The following SRRM2 variants were observed in gnomAD, a reference collection of about 807,000 sequenced individuals.
SRRM2 encodes serine/arginine repetitive matrix protein 2.
Under a neutral mutation model 213.8 loss-of-function variants are expected in SRRM2, and 30 were observed. That is an observed-to-expected ratio of 0.14 (90% CI 0.10 to 0.19). The LOEUF (loss-of-function observed/expected upper bound fraction) is 0.19. SRRM2 is among the 10% of genes least tolerant of loss of function. The pLI is 1.00. For synonymous variants in SRRM2, 2,025 were observed against 1,377.7 expected (o/e 1.47, Z -10.40); for missense variants, 4,904 against 3,647.0 (o/e 1.34, Z -8.88).
rs769381239 is a variant in SRRM2 at position 2,765,079 on chromosome 16, C to T, written c.4551C>T (p.Ser1517=). Residue 1517 remains serine (S), a synonymous_variant, in exon 11 of 15, where the codon AGC becomes AGT. Coordinates refer to ENST00000301740, the MANE Select transcript of SRRM2 (RefSeq NM_016333.4). ...NKCLTPQRER[S]GSESSVDQKT... ...GTCTTACCCCCCAGAGAGAAAGAAG[C>T]GGGTCAGAATCATCAGTTGATCAGA... The T allele has an allele frequency of 2.5e-5, 41 of 1,613,980 alleles. No homozygotes were observed. The South Asian group carries it at 2.6e-4, about 10-fold the overall frequency.
chr16:2,763,470 C>G lies in SRRM2; in HGVS notation c.2942C>G (p.Pro981Arg), dbSNP rs2068434919. 6.2e-7 allele frequency: 1 copy of G among 1,614,188 alleles called. No individual in the cohort carries two copies. Among genetic ancestry groups the G allele is most frequent in the Non-Finnish European group, 8.5e-7 (1 of 1,180,032 alleles). Residue 981 changes from proline (P) to arginine (R), a missense_variant, in exon 11 of 15, where the codon CCT becomes CGT. Coordinates refer to ENST00000301740, the MANE Select transcript of SRRM2 (RefSeq NM_016333.4). ...TCCTCACCAGATACCAAAGTGAAAC[C>G]TGAAACACCGCCAAGACAAAGTCAC... ...GSSSPDTKVK[P>R]ETPPRQSHSG...
chr16:2,768,840 C>G, intron 11 of SRRM2, 157 bp from the exon 12 acceptor site: 2 of 1,476,014 alleles, frequency 1.4e-6, no homozygotes, highest in South Asian at 2.4e-5. Flanking sequence ...TCAGCTCGCA[C>G]CACTGCTCTC....
chr16:2,759,965 C>T (rs960203183), intron 9 of SRRM2: 1 of 532,938 alleles, frequency 1.9e-6, no homozygotes, highest in Non-Finnish European at 3.4e-6. Flanking sequence ...CTTACCCTGG[C>T]TTCCTTAATC....
Position 2,765,764 on chromosome 16 carries a change from C to T in SRRM2, c.5236C>T (p.Arg1746Cys), listed in dbSNP as rs150445530. The change falls in exon 11 of 15, where the codon CGC becomes TGC. Residue 1746 changes from arginine (R) to cysteine (C), a missense_variant. Physicochemically the swap from Arg to Cys is radical, Grantham distance 180 (BLOSUM62 -3). Transcript: ENST00000301740. ...AAAATCGAGGTCTTCACGCCGACGG[C>T]GCTCAGCTTCATCTCCACGCACTAA... The part of the protein sequence containing the change: ...AEKSRSSRRR[R>C]SASSPRTKTT... 207 of 1,613,998 alleles carry T rather than the reference C, an allele frequency of 1.3e-4. No individual in the cohort carries two copies. The highest frequency in any genetic ancestry group is 1.5e-4 in the Non-Finnish European group (178 of 1,180,044).
chr16:2,771,254 G>A lies in SRRM2; in HGVS notation c.*387G>A, dbSNP rs2068737738. On this transcript the variant is annotated 3_prime_UTR_variant, in exon 15 of 15. Coordinates refer to ENST00000301740, the MANE Select transcript of SRRM2 (RefSeq NM_016333.4). ...AGGTTGTATAAGGTGTTCTTGGAAG[G>A]AAGGGGCAGGAGTTGGAATTAGTTG... is the stretch of plus-strand genomic sequence containing the variant. The A allele has an allele frequency of 2.7e-6, 2 of 734,332 alleles. No homozygotes were observed. Among genetic ancestry groups the A allele is most frequent in the Admixed American group, 2.2e-5 (1 of 45,736 alleles). 45.5% of individuals were successfully genotyped at this position (734,332 alleles called of 1,614,324 possible).
At position 2,765,312 on chromosome 16, in the gene SRRM2, G is replaced by A. The variant is rs200200979; in HGVS notation, c.4784G>A (p.Arg1595His). 1,213 of 1,614,094 alleles carry A rather than the reference G, an allele frequency of 7.5e-4. 10 individuals carry two copies. In the South Asian group the frequency reaches 8.4e-3, roughly 11 times the overall value. ...AGCAAATCTCGACTATCCCCTCGGC[G>A]CAGTAGGTCTGGTTCCTCCCCTGAA... Reference protein sequence around the residue: ...VDSKSRLSPRRSRSGSSPEVK... With the variant: ...VDSKSRLSPRHSRSGSSPEVK... The change falls in exon 11 of 15, where the codon CGC (arginine) becomes CAC (histidine). Residue 1595 changes from arginine to histidine, a missense_variant. Transcript: ENST00000301740.
At chr16:2,755,136 AG>A (rs2068096134) in intron 1 of SRRM2, among the ~76,000 whole-genome samples, 1 of 152,184 alleles carries the variant, frequency 6.6e-6, no homozygotes, top group South Asian at 2.1e-4. Context: ...GGAGAGGATG[AG>A]GGTGAGAAAG....
chr16:2,770,134 GTCTTTA>G (rs1435202402), intron 12 of SRRM2: 2 of 1,426,960 alleles, frequency 1.4e-6, no homozygotes. Context: ...GGCAGGGACT[GTCTTTA>G]TCTTTGCATC....
At position 2,761,710 on chromosome 16, in the gene SRRM2, A is replaced by T; in HGVS notation, c.1182A>T (p.Pro394=). The change falls in exon 11 of 15, where the codon CCA becomes CCT. Residue 394 remains proline, a synonymous_variant. Transcript: ENST00000301740. ...TAAGCCAGGAGCCAGTGAACCCCCC[A>T]TCTGAGGCCTCTCCAACTCGGGACC... The part of the protein sequence containing the change: ...TPLSQEPVNP[P]SEASPTRDRS... The T allele has an allele frequency of 6.2e-7, 1 of 1,604,734 alleles. No individual in the cohort carries two copies. Among genetic ancestry groups the T allele is most frequent in the Non-Finnish European group, 8.5e-7 (1 of 1,175,632 alleles).
rs773218070 is a variant in SRRM2, at chr16:2,767,661, C to G, written c.7133C>G (p.Ala2378Gly). 6.2e-7 allele frequency: 1 copy of G among 1,614,088 alleles called. No individual in the cohort carries two copies. The highest frequency in any genetic ancestry group is 8.5e-7 in the Non-Finnish European group (1 of 1,180,006). The stretch of plus-strand genomic sequence containing the variant: ...AGGATGGCTCCAGCATTGTCTGGTG[C>G]AAACCTCACCAGCCCCAGGGTGCCC... ...SARMAPALSG[A>G]NLTSPRVPLS... The change falls in exon 11 of 15, where the codon GCA becomes GGA. Residue 2378 changes from alanine (A) to glycine (G), a missense_variant. By Grantham distance (60) the Ala-to-Gly change is moderately conservative. Coordinates refer to ENST00000301740, the MANE Select transcript of SRRM2 (RefSeq NM_016333.4).
Position 2,763,040 on chromosome 16 carries a change from T to C in SRRM2, c.2512T>C (p.Ser838Pro). 6.2e-7 allele frequency: 1 copy of C among 1,614,048 alleles called. No homozygotes were observed. Among genetic ancestry groups the C allele is most frequent in the Non-Finnish European group, 8.5e-7 (1 of 1,180,010 alleles). The change falls in exon 11 of 15, where the codon TCA becomes CCA. Residue 838 changes from serine to proline, a missense_variant. By Grantham distance (74) the Ser-to-Pro change is moderately conservative. Coordinates refer to ENST00000301740, the MANE Select transcript of SRRM2 (RefSeq NM_016333.4). ...ACCATCAAGACAAAGTCATTCCAGTTCATCTCCTCATCCTAAAGTGAAATC... is the reference window on the plus strand; with the variant it reads ...ACCATCAAGACAAAGTCATTCCAGTCCATCTCCTCATCCTAAAGTGAAATC... ...KTPSRQSHSS[S>P]SPHPKVKSGT... is the part of the protein sequence containing the mutation.
chr16:2,765,588 G>C lies in SRRM2; in HGVS notation c.5060G>C (p.Arg1687Pro). ...AAGACCAAGTCTCGTACACCACCTC[G>C]ACGTCGCAGCTCTCGATCATCTCCG... ...EPKTKSRTPP[R>P]RRSSRSSPEL... Residue 1687 changes from arginine (R) to proline (P), a missense_variant, in exon 11 of 15, where the codon CGA becomes CCA. Physicochemically the swap from Arg to Pro is moderately radical, Grantham distance 103. Coordinates refer to ENST00000301740, the MANE Select transcript of SRRM2 (RefSeq NM_016333.4). 6.2e-7 allele frequency: 1 copy of C among 1,614,094 alleles called. No homozygotes were observed. The highest frequency in any genetic ancestry group is 8.5e-7 in the Non-Finnish European group (1 of 1,180,020).
At position 2,763,818 on chromosome 16, in the gene SRRM2, G is replaced by T; in HGVS notation, c.3290G>T (p.Gly1097Val). 6.2e-7 allele frequency: 1 copy of T among 1,614,200 alleles called. No individual in the cohort carries two copies. Among genetic ancestry groups the T allele is most frequent in the South Asian group, 1.1e-5 (1 of 91,088 alleles). The change falls in exon 11 of 15, where the codon GGT becomes GTT. Residue 1097 changes from glycine (G) to valine (V), a missense_variant. Physicochemically the swap from Gly to Val is moderately radical, Grantham distance 109. Coordinates refer to ENST00000301740, the MANE Select transcript of SRRM2 (RefSeq NM_016333.4). ...QSKSQTSPKG[G>V]RSRSSSPVTE... ...AAATCTCAAACATCACCTAAGGGAG[G>T]TCGGTCCAGGTCTTCATCTCCAGTC...
At position 2,766,251 on chromosome 16, in the gene SRRM2, G is replaced by A. The variant is rs1567239444; in HGVS notation, c.5723G>A (p.Arg1908Gln). 6.8e-6 allele frequency: 11 copies of A among 1,614,146 alleles called. No homozygotes were observed. The highest frequency in any genetic ancestry group is 9.3e-6 in the Non-Finnish European group (11 of 1,180,030). The change falls in exon 11 of 15, where the codon CGA (arginine) becomes CAA (glutamine). Residue 1908 changes from arginine (R) to glutamine (Q), a missense_variant. Coordinates refer to ENST00000301740, the MANE Select transcript of SRRM2 (RefSeq NM_016333.4). The surrounding 1 kb of genome is among the most constrained non-coding windows in gnomAD (Gnocchi z 7.0). Reference protein sequence around the residue: ...RRSRSRTSVTRRRSRSRASPV... With the variant: ...RRSRSRTSVTQRRSRSRASPV... ...TCAAGGTCCAGGACTTCAGTGACTC[G>A]ACGAAGATCCCGGTCAAGAGCATCC...
chr16:2,766,031 T>C lies in SRRM2; in HGVS notation c.5503T>C (p.Ser1835Pro). Residue 1835 changes from serine (S) to proline (P), a missense_variant, in exon 11 of 15, where the codon TCT (serine) becomes CCT (proline). Coordinates refer to ENST00000301740, the MANE Select transcript of SRRM2 (RefSeq NM_016333.4). This position sits in a 1 kb window ranked among gnomAD's most constrained non-coding sequence, Gnocchi z 7.0. The part of the protein sequence containing the change: ...PARQESSRTS[S>P]RRRRGRSRTP... ...CCGGCAGGAAAGTTCCCGGACCTCC[T>C]CTCGACGCCGAAGAGGCCGCTCTCG... 1 of 1,613,744 alleles carries C rather than the reference T, an allele frequency of 6.2e-7. No individual in the cohort carries two copies. Among genetic ancestry groups the C allele is most frequent in the Non-Finnish European group, 8.5e-7 (1 of 1,179,946 alleles).
chr16:2,767,275 C>T lies in SRRM2; in HGVS notation c.6747C>T (p.Ala2249=). 6.2e-7 allele frequency: 1 copy of T among 1,614,112 alleles called. No homozygotes were observed. Residue 2249 remains alanine (A), a synonymous_variant, in exon 11 of 15, where the codon GCC becomes GCT. Transcript: ENST00000301740. The part of the protein sequence containing the change: ...AMNLASARTP[A]IPTAVNLADS... ...ACCTAGCCAGCGCCAGGACACCTGC[C>T]ATTCCAACAGCAGTGAACCTGGCTG...
Position 2,763,016 on chromosome 16 carries a change from C to G in SRRM2, c.2488C>G (p.Pro830Ala), listed in dbSNP as rs1056647854. 6 of 1,614,062 alleles carry G rather than the reference C, an allele frequency of 3.7e-6. No individual in the cohort carries two copies. In the African/African-American group the frequency reaches 6.7e-5, roughly 18 times the overall value. The change falls in exon 11 of 15, where the codon CCA becomes GCA. Residue 830 changes from proline (P) to alanine (A), a missense_variant. Pro to Ala is a conservative substitution (Grantham distance 27). Transcript: ENST00000301740. ...SPPPKQKSKT[P>A]SRQSHSSSSP... is the part of the protein sequence containing the mutation. The stretch of plus-strand genomic sequence containing the variant: ...GCCACCTAAACAGAAATCTAAGACA[C>G]CATCAAGACAAAGTCATTCCAGTTC...
In SRRM2 at chr16:2,765,019, T is replaced by G. The variant is rs1045866666; in HGVS notation, c.4491T>G (p.Ser1497Arg). 4 of 1,613,224 alleles carry G rather than the reference T, an allele frequency of 2.5e-6. No individual in the cohort carries two copies. The highest frequency in any genetic ancestry group is 1.3e-5 in the African/African-American group (1 of 74,666). Residue 1497 changes from serine to arginine, a missense_variant, in exon 11 of 15, where the codon AGT becomes AGG. Coordinates refer to ENST00000301740, the MANE Select transcript of SRRM2 (RefSeq NM_016333.4). ...KALPQTPRPR[S>R]RSPSSPELNN... is the part of the protein sequence containing the mutation. ...TGCCTCAGACTCCTAGGCCGAGGAG[T>G]CGTTCTCCATCATCCCCAGAGCTCA...
Position 2,762,520 on chromosome 16 carries a change from C to G in SRRM2, c.1992C>G (p.Ala664=). Reference sequence around the variant, plus strand: ...GCCGCTCACGCTCCAGAACCCCAGCCAGACGTGGCCGCTCACGCTCTAGAA... The same window carrying G: ...GCCGCTCACGCTCCAGAACCCCAGCGAGACGTGGCCGCTCACGCTCTAGAA... ...RRGRSRSRTP[A]RRGRSRSRTP... is the part of the protein sequence containing the mutation. Residue 664 remains alanine (A), a synonymous_variant, in exon 11 of 15, where the codon GCC becomes GCG. Coordinates refer to ENST00000301740, the MANE Select transcript of SRRM2 (RefSeq NM_016333.4). 6.2e-7 allele frequency: 1 copy of G among 1,613,172 alleles called. No homozygotes were observed. Among genetic ancestry groups the G allele is most frequent in the Non-Finnish European group, 8.5e-7 (1 of 1,179,748 alleles).
Sources: allele counts gnomAD v4.1 joint callset (sites outside exome capture counted in the v4.1 genomes callset), GRCh38; gene constraint gnomAD v4.1.1; non-coding constraint Gnocchi (gnomAD v3.1); transcripts MANE v1.5; gene names NCBI Gene and HGNC (gene_info 2026-07-23, HGNC 2026-07-21).